SUPT3H: variants seen among roughly 807,000 people sequenced by gnomAD.
SUPT3H encodes SPT3 homolog, SAGA and STAGA complex component.
SUPT3H carries 44 observed loss-of-function variants against 44.3 expected under a neutral mutation model. The ratio of observed to expected loss-of-function variants is 0.99; its 90% confidence interval spans 0.78 to 1.28. The LOEUF is 1.28. Among genes scored for constraint, SUPT3H ranks in the 50% most tolerant of loss-of-function variants. The probability of loss-of-function intolerance (pLI) is 0.00; values close to 1 mark genes in which losing one functional copy is unlikely to be tolerated. For missense variants in SUPT3H, 380 were observed against 387.1 expected (o/e 0.98, Z 0.15); for synonymous variants, 124 against 125.6 (o/e 0.99, Z 0.09).
chr6:45,188,816 T>C (rs1173752433), intron 2 of SUPT3H, among the ~76,000 whole-genome samples: 1 of 152,218 alleles, frequency 6.6e-6, no homozygotes, highest in Non-Finnish European at 1.5e-5. Context: ...TAACCACCCT[T>C]AAATGATGGT....
chr6:44,955,141 G>A (rs943425720), intron 7 of SUPT3H: 1 of 157,058 alleles, frequency 6.4e-6, no homozygotes, highest in Non-Finnish European at 1.4e-5. Context: ...TGGATGGGTA[G>A]AGCAGCACGT....
At chr6:45,337,611 G>C (rs1193258554) in intron 2 of SUPT3H, among the ~76,000 whole-genome samples, 3 of 151,724 alleles carry the variant, frequency 2.0e-5, no homozygotes, top group African/African-American at 7.3e-5. Context: ...CCATGCTTAG[G>C]AATGTGTCCA....
rs545848490 is a variant in SUPT3H at position 44,924,627 on chromosome 6, C to T, written c.912+8026G>A. The stretch of plus-strand genomic sequence containing the variant: ...CCATAGAGTATTTAGCTGCTGTACA[C>T]AGAAAAGGCTCTGGTGATTAAAATT... On this transcript the variant is annotated intron_variant, in intron 10 of 10. Coordinates refer to ENST00000371459, the MANE Select transcript of SUPT3H (RefSeq NM_003599.4). 1.4e-4 allele frequency among the ~76,000 whole-genome samples: 21 copies of T among 152,194 alleles called. 1 individual carries two copies. The East Asian group carries it at 2.1e-3, about 15-fold the overall frequency.
At chr6:45,336,826 A>G (rs1027423125) in intron 2 of SUPT3H, among the ~76,000 whole-genome samples, 6 of 151,582 alleles carry the variant, frequency 4.0e-5, no homozygotes, top group Non-Finnish European at 8.9e-5. Context: ...CCTCTGTTTT[A>G]AACTTTCTTC....
At chr6:45,357,069 C>T (rs888529247) in intron 2 of SUPT3H, among the ~76,000 whole-genome samples, 2 of 151,790 alleles carry the variant, frequency 1.3e-5, no homozygotes, top group Non-Finnish European at 2.9e-5. Flanking sequence ...TGCAGTGGCA[C>T]GATCTCGGCT....
At chr6:45,276,658 G>C (rs1777078675) in intron 2 of SUPT3H, among the ~76,000 whole-genome samples, 3 of 152,160 alleles carry the variant, frequency 2.0e-5, no homozygotes. Context: ...GCTTTAAAAT[G>C]TATTGCATTT....
intron 10 of SUPT3H, among the ~76,000 whole-genome samples, chr6:44,861,472 C>T (rs1258026688): frequency 5.9e-5 from 9 of 151,910 alleles, no homozygotes; most frequent in Non-Finnish European, 1.2e-4. Flanking sequence ...CTACAACCTC[C>T]GCCTCCTGGA....
At chr6:45,365,599 C>G (rs1480395715) in intron 1 of SUPT3H, among the ~76,000 whole-genome samples, 1 of 149,178 alleles carries the variant, frequency 6.7e-6, no homozygotes, top group African/African-American at 2.5e-5. Flanking sequence ...TTTACTAGAG[C>G]TCATTGGTTT....
chr6:45,021,062 A>C (rs1490731349), intron 3 of SUPT3H, among the ~76,000 whole-genome samples: 1 of 151,932 alleles, frequency 6.6e-6, no homozygotes, highest in East Asian at 1.9e-4. Flanking sequence ...AGAACTTTAA[A>C]AGATCAACAA....
At chr6:45,008,085 G>T (rs1782971555) in intron 5 of SUPT3H, among the ~76,000 whole-genome samples, 1 of 152,008 alleles carries the variant, frequency 6.6e-6, no homozygotes, top group East Asian at 1.9e-4. Flanking sequence ...TTCATCCACT[G>T]ATAGACATTT....
intron 2 of SUPT3H, among the ~76,000 whole-genome samples, chr6:45,220,040 CAAAAAAAAA>C (rs67960187): frequency 9.1e-5 from 3 of 33,008 alleles, no homozygotes; most frequent in African/African-American, 1.4e-4. Context: ...GACTCTGTCT[CAAAAAAAAA>C]AAAAAAAAAA....
At chr6:45,269,499 C>A (rs1176309025) in intron 2 of SUPT3H, among the ~76,000 whole-genome samples, 1 of 152,116 alleles carries the variant, frequency 6.6e-6, no homozygotes, top group Admixed American at 6.6e-5. Flanking sequence ...GTATTAGGCA[C>A]GCACTTTATC....
chr6:44,823,138 C>A (rs1581829612), downstream of SUPT3H, among the ~76,000 whole-genome samples: 1 of 150,848 alleles, frequency 6.6e-6, no homozygotes, highest in Non-Finnish European at 1.5e-5. Flanking sequence ...TTCTACCAAC[C>A]AAACCACAAA....
intron 10 of SUPT3H, among the ~76,000 whole-genome samples, chr6:44,853,586 A>C (rs1773252672): frequency 1.3e-5 from 2 of 152,210 alleles, no homozygotes; most frequent in East Asian, 1.9e-4. Context: ...CTGGTCTAAG[A>C]ATTAAATCAG....
chr6:45,328,430 T>C, intron 2 of SUPT3H: 2 of 1,445,978 alleles, frequency 1.4e-6, no homozygotes, highest in Non-Finnish European at 1.9e-6. Flanking sequence ...TCTCCGCAGG[T>C]CACTACCAGC....
At chr6:45,068,558 A>G (rs1793826020) in intron 3 of SUPT3H, among the ~76,000 whole-genome samples, 1 of 152,224 alleles carries the variant, frequency 6.6e-6, no homozygotes, top group Admixed American at 6.5e-5. Flanking sequence ...ACTAATAGCA[A>G]GTTGATTGAA....
chr6:44,810,300 A>G (rs1260337332), intron 11 of SUPT3H, among the ~76,000 whole-genome samples: 1 of 152,232 alleles, frequency 6.6e-6, no homozygotes, highest in Non-Finnish European at 1.5e-5. Flanking sequence ...GGACTGGCTA[A>G]CAGAAGACGG....
At chr6:45,212,481 A>ATGTG (rs11269206) in intron 2 of SUPT3H, among the ~76,000 whole-genome samples, 1,379 of 42,676 alleles carry the variant, frequency 0.032, 46 homozygotes, top group South Asian at 0.04. Flanking sequence ...CACCTCCACT[A>ATGTG]TGTGTGTGTG....
rs192809103 is a variant in SUPT3H, at chr6:44,826,993, C to A, written c.*2823G>T. Among the ~76,000 whole-genome samples the A allele has an allele frequency of 4.6e-5, 7 of 152,226 alleles. 1 individual carries two copies. Among genetic ancestry groups the A allele is most frequent in the Admixed American group, 3.3e-4 (5 of 15,290 alleles). On this transcript the variant is annotated 3_prime_UTR_variant, in exon 11 of 11. Coordinates refer to ENST00000371459, the MANE Select transcript of SUPT3H (RefSeq NM_003599.4). ...AAGGCAGGAAAGCTAATGGCATAAC[C>A]CTCTAAATGGCACGTTCAGAAAGTT...
Sources: allele counts gnomAD v4.1 joint callset (sites outside exome capture counted in the v4.1 genomes callset), GRCh38; gene constraint gnomAD v4.1.1; transcripts MANE v1.5; gene names NCBI Gene and HGNC (gene_info 2026-07-23, HGNC 2026-07-21).